The following GALNT13 variants were observed in gnomAD, a reference collection of about 807,000 sequenced individuals.
GALNT13 encodes polypeptide N-acetylgalactosaminyltransferase 13.
Under a neutral mutation model 64.2 loss-of-function variants are expected in GALNT13, and 28 were observed. That is an observed-to-expected ratio of 0.44 (90% CI 0.32 to 0.60). GALNT13 has a LOEUF of 0.60. GALNT13 is among the 20% of genes least tolerant of loss of function. GALNT13 has a pLI of 0.05. For synonymous variants in GALNT13, 214 were observed against 224.6 expected, an observed-to-expected ratio of 0.95 and a Z score of 0.42; for missense variants, 577 against 669.8, an observed-to-expected ratio of 0.86 and a Z score of 1.53.
At chr2:153,316,045 C>A in the GALNT13 span, among the ~76,000 whole-genome samples, 5 of 150,816 alleles carry the variant, frequency 3.3e-5, no homozygotes, top group African/African-American at 1.2e-4. Context: ...AAGAGCTCAC[C>A]ATCATTAGTA....
chr2:153,143,620 T>A, the GALNT13 span, among the ~76,000 whole-genome samples: 1 of 152,048 alleles, frequency 6.6e-6, no homozygotes, highest in African/African-American at 2.4e-5. Context: ...TAGCAAAGTC[T>A]GCCAGATGGA....
At chr2:153,381,450 T>G in the GALNT13 span, among the ~76,000 whole-genome samples, 8 of 151,952 alleles carry the variant, frequency 5.3e-5, no homozygotes, top group Non-Finnish European at 1.2e-4. Context: ...TTAAACGATG[T>G]CATTAACCAG....
the GALNT13 span, among the ~76,000 whole-genome samples, chr2:153,550,220 CTTGGTAAATGAATGGTCACTTTTTTT>C: frequency 4.2e-3 from 629 of 150,444 alleles, 7 homozygotes; most frequent in African/African-American, 0.014. Context: ...TAAAAACAAT[CTTGGTAAATGAATGGTCACTTTTTTT>C]TTTTTTTGGA....
the GALNT13 span, among the ~76,000 whole-genome samples, chr2:153,331,600 G>C: frequency 6.6e-6 from 1 of 152,196 alleles, no homozygotes; most frequent in Middle Eastern, 3.4e-3. Flanking sequence ...ATGTAGTCCG[G>C]GATGCTAGGC....
the GALNT13 span, among the ~76,000 whole-genome samples, chr2:153,124,875 G>C: frequency 6.6e-6 from 1 of 152,166 alleles, no homozygotes; most frequent in South Asian, 2.1e-4. Context: ...AATACGGCAA[G>C]TTTTGCTCCT....
the GALNT13 span, among the ~76,000 whole-genome samples, chr2:153,526,593 C>A: frequency 6.6e-6 from 1 of 152,106 alleles, no homozygotes; most frequent in South Asian, 2.1e-4. Flanking sequence ...ACAAACAAGT[C>A]CAGACTGTGA....
intron 1 of GALNT13, among the ~76,000 whole-genome samples, chr2:153,888,948 A>G (rs2105262164): frequency 6.6e-6 from 1 of 152,116 alleles, no homozygotes; most frequent in South Asian, 2.1e-4. Flanking sequence ...GTCACAAAAG[A>G]TGTTTTCCAT....
At chr2:153,345,700 T>TGTCC in the GALNT13 span, among the ~76,000 whole-genome samples, 1 of 140,456 alleles carries the variant, frequency 7.1e-6, no homozygotes, top group Non-Finnish European at 1.5e-5. Context: ...TCTTTCTTTC[T>TGTCC]TTCTCTTTCT....
At chr2:153,686,776 T>G in the GALNT13 span, among the ~76,000 whole-genome samples, 10 of 152,208 alleles carry the variant, frequency 6.6e-5, no homozygotes, top group Admixed American at 1.3e-4. Context: ...TAGCTGCGAG[T>G]TTGTCATATA....
intron 4 of GALNT13, among the ~76,000 whole-genome samples, chr2:154,146,472 C>G (rs554319469): frequency 5.9e-5 from 9 of 152,042 alleles, no homozygotes; most frequent in African/African-American, 2.2e-4. Context: ...ATAAAATTGA[C>G]AATTTTAACT....
chr2:154,216,802 CTT>C (rs397872685), intron 4 of GALNT13, among the ~76,000 whole-genome samples: 1,146 of 71,246 alleles, frequency 0.016, 3 homozygotes, highest in African/African-American at 0.028. Context: ...TTCTCTCTCT[CTT>C]TTTTTTTTTT....
chr2:153,474,085 A>T, the GALNT13 span, among the ~76,000 whole-genome samples: 3 of 152,338 alleles, frequency 2.0e-5, no homozygotes, highest in Admixed American at 1.3e-4. Flanking sequence ...TATTGTAAAT[A>T]ACTTATTTCC....
At chr2:153,558,875 T>C in the GALNT13 span, among the ~76,000 whole-genome samples, 3 of 152,222 alleles carry the variant, frequency 2.0e-5, no homozygotes, top group Admixed American at 6.5e-5. Context: ...TTGTGGACAC[T>C]GGAAATTTCA....
chr2:154,446,341 G>A (rs148241044), intron 12 of GALNT13: 71 of 303,654 alleles, frequency 2.3e-4, no homozygotes, highest in Non-Finnish European at 3.7e-4. Flanking sequence ...TTATTTTATC[G>A]TAAGCCCCTC....
the GALNT13 span, among the ~76,000 whole-genome samples, chr2:153,527,546 AGAG>A: frequency 6.6e-6 from 1 of 152,180 alleles, no homozygotes; most frequent in Admixed American, 6.5e-5. Context: ...TTGATCAGAA[AGAG>A]AAGGATGTTA....
intron 9 of GALNT13, among the ~76,000 whole-genome samples, chr2:154,308,719 A>G (rs572172285): frequency 2.2e-4 from 33 of 152,296 alleles, no homozygotes; most frequent in Middle Eastern, 3.4e-3. Flanking sequence ...CAGCCATAGT[A>G]TCAATGAGGG....
chr2:154,290,322 G>A (rs910594461), intron 8 of GALNT13, among the ~76,000 whole-genome samples: 2 of 152,310 alleles, frequency 1.3e-5, no homozygotes, highest in Non-Finnish European at 2.9e-5. Context: ...TCTTTAATGA[G>A]AGATTGCAGA....
chr2:153,504,658 T>C, the GALNT13 span, among the ~76,000 whole-genome samples: 1 of 152,232 alleles, frequency 6.6e-6, no homozygotes, highest in Non-Finnish European at 1.5e-5. Flanking sequence ...ATTTTTGTTT[T>C]TAATTCTGTT....
intron 8 of GALNT13, among the ~76,000 whole-genome samples, chr2:154,267,766 G>GA (rs908296345): frequency 3.0e-4 from 46 of 151,014 alleles, no homozygotes; most frequent in East Asian, 1.4e-3. Flanking sequence ...TTTGTATCTA[G>GA]AAAAAAAAAC....
Sources: allele counts gnomAD v4.1 joint callset (sites outside exome capture counted in the v4.1 genomes callset), GRCh38; gene constraint gnomAD v4.1.1; transcripts MANE v1.5; gene names NCBI Gene and HGNC (gene_info 2026-07-23, HGNC 2026-07-21).